The following BLNK variants were observed in gnomAD, a reference collection of about 807,000 sequenced individuals.
BLNK encodes B cell linker.
Under a neutral mutation model 73.5 loss-of-function variants are expected in BLNK, and 29 were observed. The observed-to-expected ratio is 0.39, with a 90% CI of 0.29 to 0.54. The LOEUF is 0.54. Ranked by LOEUF, BLNK falls within the 20% of genes least tolerant of loss-of-function variation. The pLI is 0.61. For synonymous variants in BLNK, 176 were observed against 200.8 expected (o/e 0.88, Z 1.04); for missense variants, 460 against 562.8 (o/e 0.82, Z 1.85).
intron 15 of BLNK, among the ~76,000 whole-genome samples, chr10:96,198,523 G>A (rs1554895243): frequency 6.6e-6 from 1 of 152,182 alleles, no homozygotes; most frequent in African/African-American, 2.4e-5. Context: ...CCAGACTAAA[G>A]TATCAAATTA....
At chr10:96,203,933 TG>T in intron 13 of BLNK, 123 bp downstream of exon 13, 1 of 724,056 alleles carries the variant, frequency 1.4e-6, no homozygotes, top group East Asian at 2.6e-5. Flanking sequence ...AGGAAACAAG[TG>T]GGAGAAGATG....
chr10:96,216,587 A>G (rs2084070895), intron 7 of BLNK, 66 bp downstream of exon 7: 24 of 1,393,132 alleles, frequency 1.7e-5, no homozygotes, highest in Non-Finnish European at 2.4e-5. Flanking sequence ...GCTTACTACC[A>G]AATACTCTTA....
chr10:96,217,745 C>A (rs1554900177), intron 6 of BLNK, among the ~76,000 whole-genome samples: 1 of 152,170 alleles, frequency 6.6e-6, no homozygotes. Context: ...TTCTTCCATT[C>A]TGTAGGTTAC....
chr10:96,254,564 G>A (rs1843431787), intron 1 of BLNK, among the ~76,000 whole-genome samples: 1 of 151,708 alleles, frequency 6.6e-6, no homozygotes, highest in Non-Finnish European at 1.5e-5. Context: ...AGGCTGGAGT[G>A]CAATAGCACG....
At position 96,191,876 on chromosome 10, in the gene BLNK, T is replaced by C; in HGVS notation, c.*97A>G. On this transcript the variant is annotated 3_prime_UTR_variant, in exon 17 of 17. Coordinates refer to ENST00000224337, the MANE Select transcript of BLNK (RefSeq NM_013314.4). ...CATCTTCCATTTTATTACTGGATGA[T>C]TCATAATCCAAAATATGAAGTTTTG... 1.3e-6 allele frequency: 2 copies of C among 1,515,128 alleles called. No homozygotes were observed. Among genetic ancestry groups the C allele is most frequent in the Non-Finnish European group, 1.8e-6 (2 of 1,095,280 alleles). The allele number at this position is 1,515,128 out of a possible 1,614,324, so 93.9% of individuals were successfully genotyped here.
chr10:96,263,771 C>T (rs1280697412), intron 1 of BLNK, among the ~76,000 whole-genome samples: 2 of 152,264 alleles, frequency 1.3e-5, no homozygotes, highest in East Asian at 3.9e-4. Flanking sequence ...GACAAATACG[C>T]CAGTAATGAG....
chr10:96,200,263 C>T lies in BLNK; in HGVS notation c.1012-105G>A. ...TTTGCATTATCAAGACAGGCCTCTA[C>T]ATTTACACCAATAATTTTAAGATGA... On this transcript the variant is annotated intron_variant, in intron 14 of 16. Coordinates refer to ENST00000224337, the MANE Select transcript of BLNK (RefSeq NM_013314.4). The surrounding 1 kb of genome is among the most constrained non-coding windows in gnomAD (Gnocchi z 4.3). The T allele has an allele frequency of 2.7e-6, 2 of 734,254 alleles. No individual in the cohort carries two copies. Among genetic ancestry groups the T allele is most frequent in the South Asian group, 1.8e-5 (1 of 55,742 alleles). 45.5% of individuals were successfully genotyped at this position (734,254 alleles called of 1,614,324 possible).
chr10:96,268,399 A>T (rs56746031), intron 1 of BLNK, among the ~76,000 whole-genome samples: 4,419 of 152,190 alleles, frequency 0.029, 205 homozygotes, highest in African/African-American at 0.091. Context: ...TCTGATCATA[A>T]CTTTACCTTA....
chr10:96,262,154 T>C (rs1843785023), intron 1 of BLNK, among the ~76,000 whole-genome samples: 1 of 152,192 alleles, frequency 6.6e-6, no homozygotes, highest in African/African-American at 2.4e-5. Flanking sequence ...GAGAGCTCTC[T>C]GCCCCCTTGG....
intron 7 of BLNK, 109 bp from the exon 8 acceptor site, chr10:96,215,498 C>T (rs1160786741): frequency 1.9e-6 from 2 of 1,044,814 alleles, no homozygotes; most frequent in Admixed American, 2.3e-5. Context: ...ATGACCAGAC[C>T]AGAGAATTTG....
At chr10:96,261,873 A>G (rs1843771896) in intron 1 of BLNK, among the ~76,000 whole-genome samples, 1 of 152,224 alleles carries the variant, frequency 6.6e-6, no homozygotes, top group South Asian at 2.1e-4. Flanking sequence ...ATTTTTCATA[A>G]TGAAGTTTTT....
intron 1 of BLNK, among the ~76,000 whole-genome samples, chr10:96,253,790 C>T (rs1019274665): frequency 1.3e-5 from 2 of 151,890 alleles, no homozygotes; most frequent in Non-Finnish European, 2.9e-5. Flanking sequence ...CCAAGGCGGG[C>T]CGATCATGAG....
At chr10:96,203,966 C>T (rs1035686594) in intron 13 of BLNK, 91 bp downstream of exon 13, 13 of 1,051,668 alleles carry the variant, frequency 1.2e-5, no homozygotes, top group Middle Eastern at 4.0e-4. Flanking sequence ...CAGCTGGAAG[C>T]GACAGTGCTG....
chr10:96,245,655 C>T (rs182051503), intron 2 of BLNK, among the ~76,000 whole-genome samples: 11 of 152,158 alleles, frequency 7.2e-5, no homozygotes, highest in African/African-American at 2.2e-4. Flanking sequence ...TTTTTACTTA[C>T]TAACAAATAA....
chr10:96,216,031 T>C (rs2084057050), intron 7 of BLNK: 1 of 162,170 alleles, frequency 6.2e-6, no homozygotes, highest in African/African-American at 2.4e-5. Flanking sequence ...GAGTAGTAGA[T>C]GAGTAATGTT....
In BLNK at chr10:96,214,138, ATG is replaced by A. The variant is rs145503971; in HGVS notation, c.676+1181_676+1182del. Among the ~76,000 whole-genome samples, 538 of 151,664 alleles carry A rather than the reference ATG, an allele frequency of 3.5e-3. 2 individuals carry two copies. Among genetic ancestry groups the A allele is most frequent in the Non-Finnish European group, 4.8e-3 (323 of 67,812 alleles). On this transcript the variant is annotated intron_variant, in intron 8 of 16. Transcript: ENST00000224337. ...GAGAGAAGAGAGTGTGTGTGTATGA[ATG>A]TGTGTGTGTGTGTGCACACGCGCAT... is the stretch of plus-strand genomic sequence containing the variant.
chr10:96,224,799 G>A (rs2084281052), intron 5 of BLNK, among the ~76,000 whole-genome samples: 1 of 152,196 alleles, frequency 6.6e-6, no homozygotes, highest in African/African-American at 2.4e-5. Flanking sequence ...CCAGGTTCAA[G>A]TGATTCTCCT....
intron 4 of BLNK, among the ~76,000 whole-genome samples, chr10:96,228,492 G>C (rs587601870): frequency 1.2e-4 from 18 of 152,230 alleles, no homozygotes; most frequent in Non-Finnish European, 1.9e-4. Context: ...CCTGACCTCA[G>C]GTGATCTGCC....
chr10:96,250,594 A>C (rs888622686), intron 1 of BLNK, among the ~76,000 whole-genome samples: 2 of 152,364 alleles, frequency 1.3e-5, no homozygotes, highest in Non-Finnish European at 2.9e-5. Flanking sequence ...GTTGAGGAGC[A>C]AAATGAGGCA....
Sources: gnomAD v4.1 joint callset for allele counts (sites outside exome capture counted in the v4.1 genomes callset) on GRCh38, gnomAD v4.1.1 for gene constraint, Gnocchi (gnomAD v3.1) non-coding constraint, MANE v1.5 for transcripts, NCBI Gene and HGNC (gene_info 2026-07-23, HGNC 2026-07-21) for gene names.